MACROD2: variants seen among roughly 807,000 people sequenced by gnomAD.
The protein encoded by MACROD2 is mono-ADP ribosylhydrolase 2.
MACROD2 carries 36 observed loss-of-function variants against 70.4 expected under a neutral mutation model. The ratio of observed to expected loss-of-function variants is 0.51; its 90% CI spans 0.39 to 0.68. The LOEUF (loss-of-function observed/expected upper bound fraction) is 0.68. MACROD2 is among the 30% of genes least tolerant of loss of function. The pLI, the probability that MACROD2 is intolerant of heterozygous loss-of-function variation, is 0.00. For missense variants in MACROD2, 496 were observed against 538.4 expected, an observed-to-expected ratio of 0.92 and a Z score of 0.78; for synonymous variants, 172 against 178.8, an observed-to-expected ratio of 0.96 and a Z score of 0.30.
intron 8 of MACROD2, among the ~76,000 whole-genome samples, chr20:15,781,568 A>G (rs1487958020): frequency 6.6e-6 from 1 of 152,174 alleles, no homozygotes; most frequent in Non-Finnish European, 1.5e-5. Flanking sequence ...GAGGGGAAGA[A>G]CACTGTGTCC....
At chr20:15,606,321 C>A (rs1044651893) in intron 8 of MACROD2, among the ~76,000 whole-genome samples, 1 of 152,192 alleles carries the variant, frequency 6.6e-6, no homozygotes, top group African/African-American at 2.4e-5. Context: ...AGGCTTCTGA[C>A]TTCTCACACA....
intron 6 of MACROD2, among the ~76,000 whole-genome samples, chr20:15,278,125 C>T (rs2077409651): frequency 6.6e-6 from 1 of 152,178 alleles, no homozygotes; most frequent in Non-Finnish European, 1.5e-5. Flanking sequence ...AGTTACAAAA[C>T]ATACTCTGCC....
intron 5 of MACROD2, among the ~76,000 whole-genome samples, chr20:15,176,564 T>C (rs538586861): frequency 7.9e-5 from 12 of 152,186 alleles, no homozygotes; most frequent in Admixed American, 1.3e-4. Flanking sequence ...AGCTGGACAC[T>C]CTTAGGGATG....
At chr20:14,847,645 A>T (rs934023665) in intron 5 of MACROD2, among the ~76,000 whole-genome samples, 13 of 91,454 alleles carry the variant, frequency 1.4e-4, no homozygotes, top group Admixed American at 8.0e-4. Context: ...CCCCCCTTTT[A>T]AAAAAAAATT....
intron 5 of MACROD2, among the ~76,000 whole-genome samples, chr20:15,040,348 C>G (rs537380993): frequency 1.3e-5 from 2 of 152,028 alleles, no homozygotes; most frequent in East Asian, 3.9e-4. Flanking sequence ...TTAATGCAGC[C>G]CCTCTCAATA....
chr20:15,240,278 A>G (rs954554012), intron 6 of MACROD2, among the ~76,000 whole-genome samples: 3 of 152,192 alleles, frequency 2.0e-5, no homozygotes, highest in African/African-American at 7.2e-5. Flanking sequence ...AATCCTGCCT[A>G]TATCTCAAAA....
chr20:15,641,978 A>C (rs574528708), intron 8 of MACROD2, among the ~76,000 whole-genome samples: 1 of 152,316 alleles, frequency 6.6e-6, no homozygotes, highest in African/African-American at 2.4e-5. Context: ...TTCTTTTCCA[A>C]GTGGCCTGAA....
chr20:15,954,690 A>C (rs2065952404), intron 12 of MACROD2, among the ~76,000 whole-genome samples: 1 of 152,200 alleles, frequency 6.6e-6, no homozygotes, highest in East Asian at 1.9e-4. Flanking sequence ...TGCAATATTA[A>C]AAAGAAAATA....
intron 6 of MACROD2, among the ~76,000 whole-genome samples, chr20:15,361,077 T>C (rs1465992332): frequency 2.0e-5 from 3 of 152,172 alleles, no homozygotes; most frequent in Non-Finnish European, 4.4e-5. Context: ...GTTTAATTTA[T>C]AGATTTTTTT....
At chr20:15,161,944 C>CT (rs1264442164) in intron 5 of MACROD2, among the ~76,000 whole-genome samples, 17 of 151,952 alleles carry the variant, frequency 1.1e-4, no homozygotes, top group Non-Finnish European at 2.4e-4. Flanking sequence ...AACAAATGCA[C>CT]TTTTTAGATG....
chr20:14,350,516 A>G (rs2083113751), intron 3 of MACROD2, among the ~76,000 whole-genome samples: 1 of 152,082 alleles, frequency 6.6e-6, no homozygotes, highest in East Asian at 1.9e-4. Context: ...TAGTGGTGTC[A>G]ATCACTTTTT....
At chr20:14,219,451 G>A (rs1404855787) in intron 3 of MACROD2, among the ~76,000 whole-genome samples, 1 of 151,732 alleles carries the variant, frequency 6.6e-6, no homozygotes, top group East Asian at 1.9e-4. Flanking sequence ...TCATATTTTG[G>A]ATTTTCTTAC....
chr20:14,103,731 T>C (rs1448189184), intron 3 of MACROD2, among the ~76,000 whole-genome samples: 1 of 152,202 alleles, frequency 6.6e-6, no homozygotes, highest in African/African-American at 2.4e-5. Flanking sequence ...TGCTTACTTT[T>C]TTGTTTATAA....
At chr20:14,667,340 G>A (rs1350255850) in intron 4 of MACROD2, among the ~76,000 whole-genome samples, 2 of 152,104 alleles carry the variant, frequency 1.3e-5, no homozygotes, top group Non-Finnish European at 2.9e-5. Flanking sequence ...AATTAAGGAA[G>A]CTCAGACATG....
At chr20:15,498,601 T>C (rs1405051825) in intron 7 of MACROD2, among the ~76,000 whole-genome samples, 3 of 152,110 alleles carry the variant, frequency 2.0e-5, no homozygotes, top group African/African-American at 7.2e-5. Flanking sequence ...GGTTGAAAAA[T>C]TCAGGAGAAG....
intron 3 of MACROD2, among the ~76,000 whole-genome samples, chr20:14,160,439 T>G (rs1284288995): frequency 6.6e-6 from 1 of 152,210 alleles, no homozygotes; most frequent in African/African-American, 2.4e-5. Context: ...TCTTCCTCAT[T>G]CAATCCAGGT....
intron 6 of MACROD2, among the ~76,000 whole-genome samples, chr20:15,407,477 A>G (rs527587553): frequency 6.6e-5 from 10 of 152,258 alleles, no homozygotes; most frequent in South Asian, 2.1e-4. Context: ...CCTAGTCTCA[A>G]TGTCTGGTTT....
Position 15,229,928 on chromosome 20 carries a change from T to G in MACROD2, c.419-12T>G. On this transcript the variant is annotated splice_polypyrimidine_tract_variant and intron_variant, in intron 5 of 17. Transcript: ENST00000684519. ...TCGCTTATCCTCTTTTTCCTTCCTT[T>G]TGTATTTACAGATGTCATCCATACT... 6.3e-7 allele frequency: 1 copy of G among 1,592,042 alleles called. No homozygotes were observed. Among genetic ancestry groups the G allele is most frequent in the South Asian group, 1.2e-5 (1 of 85,760 alleles).
intron 6 of MACROD2, among the ~76,000 whole-genome samples, chr20:15,340,126 CTTTCTTTTTTTTTTTT>C (rs1479838969): frequency 7.6e-5 from 7 of 91,844 alleles, no homozygotes; most frequent in East Asian, 3.6e-4. Flanking sequence ...TTCTTTCTTT[CTTTCTTTTTTTTTTTT>C]TTTTTTTTTT....
Sources: allele counts gnomAD v4.1 joint callset (sites outside exome capture counted in the v4.1 genomes callset), GRCh38; gene constraint gnomAD v4.1.1; transcripts MANE v1.5; gene names NCBI Gene and HGNC (gene_info 2026-07-23, HGNC 2026-07-21).